The following AGBL4 variants were observed in gnomAD, a reference collection of about 807,000 sequenced individuals.
AGBL4 encodes AGBL carboxypeptidase 4.
A neutral mutation model predicts 66.4 loss-of-function variants in AGBL4; 58 were observed. The ratio of observed to expected loss-of-function variants is 0.87; its 90% CI spans 0.71 to 1.09. The LOEUF is 1.09. AGBL4 is among the 50% of genes least tolerant of loss of function. The pLI, the probability that AGBL4 is intolerant of heterozygous loss-of-function variation, is 0.00. For missense variants in AGBL4, 579 were observed against 631.0 expected (o/e 0.92, Z 0.88); for synonymous variants, 234 against 222.9 (o/e 1.05, Z -0.44).
intron 2 of AGBL4, among the ~76,000 whole-genome samples, chr1:49,822,150 G>T (rs926544031): frequency 5.4e-4 from 82 of 151,886 alleles, no homozygotes; most frequent in African/African-American, 1.8e-3. Flanking sequence ...AAATTGGGGG[G>T]GTTTTATTCA....
chr1:48,725,704 A>C (rs939611910), intron 6 of AGBL4, among the ~76,000 whole-genome samples: 2 of 152,208 alleles, frequency 1.3e-5, no homozygotes, highest in Non-Finnish European at 2.9e-5. Flanking sequence ...CTTGAGCAAG[A>C]AATTATTTAA....
rs371567476 is a variant in AGBL4, at chr1:49,656,422, C to G, written c.282+40891G>C. On this transcript the variant is annotated intron_variant, in intron 3 of 13. Coordinates refer to ENST00000371839, the MANE Select transcript of AGBL4 (RefSeq NM_032785.4). ...ACAGATTCACAGCCGAATTCTACCA[C>G]AGGTACAAGGAGGAGCTGGTACCAT... Among the ~76,000 whole-genome samples the G allele has an allele frequency of 6.8e-3, 1,030 of 152,126 alleles. 8 individuals are homozygous for G. The highest frequency in any genetic ancestry group is 0.018 in the South Asian group (85 of 4,818).
intron 4 of AGBL4, among the ~76,000 whole-genome samples, chr1:49,103,869 T>C (rs1645247159): frequency 2.0e-5 from 3 of 152,170 alleles, no homozygotes. Flanking sequence ...ATCATGCATA[T>C]TCATCATAAT....
intron 11 of AGBL4, among the ~76,000 whole-genome samples, chr1:48,542,299 C>T (rs999913611): frequency 1.3e-5 from 2 of 152,200 alleles, no homozygotes; most frequent in Non-Finnish European, 2.9e-5. Flanking sequence ...CTACAATAAA[C>T]ATACGTGTGC....
chr1:49,927,667 G>A (rs1444870355), intron 1 of AGBL4, among the ~76,000 whole-genome samples: 3 of 150,070 alleles, frequency 2.0e-5, no homozygotes, highest in Non-Finnish European at 4.4e-5. Context: ...AAAGTACACA[G>A]TCAGAGGAGA....
intron 3 of AGBL4, among the ~76,000 whole-genome samples, chr1:49,509,671 T>C (rs1318707909): frequency 6.6e-6 from 1 of 151,972 alleles, no homozygotes; most frequent in African/African-American, 2.4e-5. Flanking sequence ...TATTACATAA[T>C]GTTTAAGAGC....
chr1:49,553,870 G>A (rs1328225802), intron 3 of AGBL4, among the ~76,000 whole-genome samples: 3 of 152,138 alleles, frequency 2.0e-5, no homozygotes, highest in Non-Finnish European at 4.4e-5. Context: ...TGAGCATGGT[G>A]GGTCATGCCC....
At chr1:49,279,271 G>A (rs570211391) in intron 3 of AGBL4, among the ~76,000 whole-genome samples, 4 of 152,186 alleles carry the variant, frequency 2.6e-5, no homozygotes, top group South Asian at 2.1e-4. Context: ...TAATATAAGC[G>A]TGGGGACCTG....
intron 3 of AGBL4, among the ~76,000 whole-genome samples, chr1:49,482,684 C>A (rs1646981531): frequency 6.6e-6 from 1 of 151,704 alleles, no homozygotes; most frequent in Non-Finnish European, 1.5e-5. Context: ...GATTTGTTTG[C>A]CATTGGTTCT....
chr1:48,548,507 G>A (rs1034489828), intron 11 of AGBL4, among the ~76,000 whole-genome samples: 14 of 152,286 alleles, frequency 9.2e-5, no homozygotes, highest in African/African-American at 3.4e-4. Context: ...GCTGTTTTCT[G>A]TCTCCAGGTC....
intron 3 of AGBL4, among the ~76,000 whole-genome samples, chr1:49,262,235 A>G (rs1440458556): frequency 6.6e-6 from 1 of 152,228 alleles, no homozygotes; most frequent in Admixed American, 6.5e-5. Context: ...ATTACCATTC[A>G]GGACATAGGC....
At chr1:49,208,741 A>C (rs1312762226) in intron 4 of AGBL4, among the ~76,000 whole-genome samples, 8 of 152,170 alleles carry the variant, frequency 5.3e-5, no homozygotes, top group Non-Finnish European at 5.9e-5. Flanking sequence ...TTAAAGCTAT[A>C]AAAATAAAAT....
rs574774819 is a variant in AGBL4 at position 49,224,992 on chromosome 1, G to C, written c.377+20778C>G. Among the ~76,000 whole-genome samples, 3 of 152,304 alleles carry C rather than the reference G, an allele frequency of 2.0e-5. No individual in the cohort carries two copies. In the East Asian group the frequency reaches 5.8e-4, roughly 29 times the overall value. On this transcript the variant is annotated intron_variant, in intron 4 of 13. Coordinates refer to ENST00000371839, the MANE Select transcript of AGBL4 (RefSeq NM_032785.4). ...TCTCTGTGTACTTACACTTGTACAT[G>C]TAATAAAAGAGCAGATAGTGGGAAA... is the stretch of plus-strand genomic sequence containing the variant.
intron 3 of AGBL4, among the ~76,000 whole-genome samples, chr1:49,540,203 C>T (rs1195851775): frequency 1.3e-5 from 2 of 152,194 alleles, no homozygotes; most frequent in Non-Finnish European, 2.9e-5. Context: ...ATTATTCTCT[C>T]TTTACTCTCC....
At chr1:48,660,950 C>T (rs554287777) in intron 7 of AGBL4, among the ~76,000 whole-genome samples, 1 of 152,258 alleles carries the variant, frequency 6.6e-6, no homozygotes, top group Admixed American at 6.5e-5. Context: ...AAAAGCCCCA[C>T]TCCGCTATTT....
intron 3 of AGBL4, among the ~76,000 whole-genome samples, chr1:49,456,243 G>A (rs1486532520): frequency 6.6e-6 from 1 of 151,708 alleles, no homozygotes; most frequent in Non-Finnish European, 1.5e-5. Context: ...TCATCTTGGA[G>A]AGGAACTCTC....
chr1:49,716,421 T>A (rs1648141487), intron 2 of AGBL4, among the ~76,000 whole-genome samples: 1 of 152,104 alleles, frequency 6.6e-6, no homozygotes, highest in Admixed American at 6.6e-5. Flanking sequence ...CTTAGGATTG[T>A]GTTGGCTATG....
intron 3 of AGBL4, among the ~76,000 whole-genome samples, chr1:49,298,955 A>T (rs928627059): frequency 3.3e-5 from 5 of 152,042 alleles, no homozygotes; most frequent in African/African-American, 1.2e-4. Flanking sequence ...TTTTGCCCAC[A>T]CCCTTCCCTC....
rs74076215 is a variant in AGBL4, at chr1:48,668,552, C to T, written c.635-5311G>A. Among the ~76,000 whole-genome samples the T allele has an allele frequency of 9.9e-3, 1,508 of 152,258 alleles. 29 individuals are homozygous for T. Among genetic ancestry groups the T allele is most frequent in the African/African-American group, 0.034 (1,423 of 41,550 alleles). ...GACACGACATGTTCTCCCACACCTC[C>T]ACACTGGGCACATGTTCTGTTTTCT... On this transcript the variant is annotated intron_variant, in intron 6 of 13. Coordinates refer to ENST00000371839, the MANE Select transcript of AGBL4 (RefSeq NM_032785.4).
Sources: allele counts gnomAD v4.1 joint callset (sites outside exome capture counted in the v4.1 genomes callset), GRCh38; gene constraint gnomAD v4.1.1; transcripts MANE v1.5; gene names NCBI Gene and HGNC (gene_info 2026-07-23, HGNC 2026-07-21).